The following ZNF831 variants were observed in gnomAD, a reference collection of about 807,000 sequenced individuals.
ZNF831 encodes the protein zinc finger protein 831, also known as chromosome 20 open reading frame 174.
A neutral mutation model predicts 95.8 loss-of-function variants in ZNF831; 59 were observed. The ratio of observed to expected loss-of-function variants is 0.62; its 90% CI spans 0.50 to 0.77. The LOEUF is 0.77. Among genes scored for constraint, ZNF831 ranks in the 30% least tolerant of loss-of-function variants. The pLI is 0.00. For synonymous variants in ZNF831, 961 were observed against 925.5 expected (o/e 1.04, Z -0.70); for missense variants, 2,205 against 2,164.0 (o/e 1.02, Z -0.38).
In ZNF831 at chr20:59,254,145, G is replaced by A. The variant is rs758824390; in HGVS notation, c.4436G>A (p.Gly1479Glu). The stretch of plus-strand genomic sequence containing the variant: ...AGGCCTTCTTCCTTTGGGTCCAAAG[G>A]AACTTTTCCCCACCATGACATTGCT... ...AQRPSSFGSK[G>E]TFPHHDIATS... Residue 1479 changes from glycine (G) to glutamate (E), a missense_variant, in exon 6 of 6, where the codon GGA (glycine) becomes GAA (glutamate). Transcript: ENST00000371030. This position sits in a 1 kb window ranked among gnomAD's most constrained non-coding sequence, Gnocchi z 4.5. 4.3e-6 allele frequency: 7 copies of A among 1,613,904 alleles called. No individual in the cohort carries two copies. Among genetic ancestry groups the A allele is most frequent in the African/African-American group, 2.7e-5 (2 of 74,854 alleles).
At chr20:59,148,148 G>C (rs1444193033) in intron 2 of ZNF831, among the ~76,000 whole-genome samples, 1 of 152,214 alleles carries the variant, frequency 6.6e-6, no homozygotes, top group Non-Finnish European at 1.5e-5. Flanking sequence ...CGTTGGTCAA[G>C]GCCAATGCAT....
intron 1 of ZNF831, among the ~76,000 whole-genome samples, chr20:59,170,993 C>T (rs945494552): frequency 1.3e-5 from 2 of 152,166 alleles, no homozygotes; most frequent in East Asian, 1.9e-4. Flanking sequence ...GACAGTGTGC[C>T]GGCTGTGTGG....
chr20:59,136,338 A>G (rs567624418), intron 1 of ZNF831, among the ~76,000 whole-genome samples: 18 of 152,238 alleles, frequency 1.2e-4, no homozygotes, highest in African/African-American at 3.1e-4. Flanking sequence ...TATTTTTCCT[A>G]TCTTAAAGTG....
At chr20:59,181,241 T>G (rs1982595351) in intron 1 of ZNF831, among the ~76,000 whole-genome samples, 2 of 152,252 alleles carry the variant, frequency 1.3e-5, no homozygotes, top group African/African-American at 2.4e-5. Context: ...CTTGTAAATT[T>G]GTCTAAGTTC....
intron 4 of ZNF831, among the ~76,000 whole-genome samples, chr20:59,249,181 T>A (rs1399754898): frequency 1.3e-5 from 2 of 152,216 alleles, no homozygotes; most frequent in Non-Finnish European, 2.9e-5. Context: ...ATTTCTGATG[T>A]CGCCTTTCTG....
intron 4 of ZNF831, among the ~76,000 whole-genome samples, chr20:59,230,765 T>C (rs914362597): frequency 6.6e-6 from 1 of 152,248 alleles, no homozygotes; most frequent in Non-Finnish European, 1.5e-5. Context: ...GGAACTAGGC[T>C]AAAGTTTAGA....
At chr20:59,237,829 A>G (rs1987086536) in intron 4 of ZNF831, among the ~76,000 whole-genome samples, 1 of 152,056 alleles carries the variant, frequency 6.6e-6, no homozygotes, top group South Asian at 2.1e-4. Context: ...AGCTGGGAGG[A>G]GGTGCTGACT....
intron 4 of ZNF831, among the ~76,000 whole-genome samples, chr20:59,236,885 C>A (rs574405310): frequency 6.6e-6 from 1 of 151,950 alleles, no homozygotes; most frequent in East Asian, 1.9e-4. Context: ...CCGTTTTTTT[C>A]TTCCTTTTAA....
chr20:59,253,161 G>A (rs1377453894), intron 5 of ZNF831, 23 bp downstream of exon 5: 10 of 1,613,140 alleles, frequency 6.2e-6, no homozygotes, highest in Non-Finnish European at 7.6e-6. Flanking sequence ...ATTTTGAGCT[G>A]CCTCTACCTA....
chr20:59,240,125 T>G, intron 4 of ZNF831, among the ~76,000 whole-genome samples: 2 of 80,010 alleles, frequency 2.5e-5, no homozygotes, highest in East Asian at 3.6e-4. Context: ...CACCCCCACC[T>G]ACCCCCACAG....
chr20:59,193,658 T>C lies in ZNF831; in HGVS notation c.2639T>C (p.Leu880Pro). Residue 880 changes from leucine to proline, a missense_variant, in exon 2 of 6, where the codon CTG becomes CCG. Coordinates refer to ENST00000371030, the MANE Select transcript of ZNF831 (RefSeq NM_178457.3). ...KESARQVGEP[L>P]ESSGASLAAA... is the part of the protein sequence containing the mutation. ...AGTGCCAGGCAGGTGGGCGAGCCTC[T>C]GGAGTCCTCTGGAGCCTCCTTGGCT... 1 of 1,613,010 alleles carries C rather than the reference T, an allele frequency of 6.2e-7. No individual in the cohort carries two copies. Among genetic ancestry groups the C allele is most frequent in the South Asian group, 1.1e-5 (1 of 91,088 alleles).
In ZNF831 at chr20:59,192,912, C is replaced by T. The variant is rs1983732431; in HGVS notation, c.1893C>T (p.Ile631=). ...ACGGGGATGAGACGTTCAAAAGGAT[C>T]TACCAGAAAATGAAAGCCAGTCCCC... ...QVYGDETFKR[I]YQKMKASPHG... The change falls in exon 2 of 6, where the codon ATC becomes ATT. Residue 631 remains isoleucine (I), a synonymous_variant. Transcript: ENST00000371030. The surrounding 1 kb of genome is among the most constrained non-coding windows in gnomAD (Gnocchi z 5.2). 6 of 1,599,288 alleles carry T rather than the reference C, an allele frequency of 3.8e-6. No individual in the cohort carries two copies. Among genetic ancestry groups the T allele is most frequent in the Non-Finnish European group, 4.3e-6 (5 of 1,173,546 alleles).
At chr20:59,252,865 T>C (rs1987965127) in intron 4 of ZNF831, 113 bp from the exon 5 acceptor site, 1 of 1,094,718 alleles carries the variant, frequency 9.1e-7, no homozygotes, top group Non-Finnish European at 1.3e-6. Context: ...CCCTGTGAGA[T>C]GAGGGTTAAT....
intron 4 of ZNF831, among the ~76,000 whole-genome samples, chr20:59,232,710 C>T (rs1986791291): frequency 6.6e-6 from 1 of 152,158 alleles, no homozygotes; most frequent in Admixed American, 6.5e-5. Context: ...GTACCCCACA[C>T]AGTGTTTTAG....
chr20:59,160,413 C>T (rs111419866), upstream of ZNF831: 4,973 of 152,318 alleles, frequency 0.033, 135 homozygotes, highest in Middle Eastern at 0.061. Flanking sequence ...CGCTCTTGAT[C>T]GAATTCCTCT....
rs1273889049 is a variant in ZNF831, at chr20:59,144,277, T to A, written c.-1424-1954T>A. The stretch of plus-strand genomic sequence containing the variant: ...CAGTAGAACATAACTGCCTTCAATG[T>A]GCACAGGATTCTCACAGGTGTCGTC... On this transcript the variant is annotated intron_variant, in intron 1 of 7. Transcript: ENST00000637017. Among the ~76,000 whole-genome samples the A allele has an allele frequency of 3.9e-5, 6 of 152,310 alleles. No homozygotes were observed. The South Asian group carries it at 8.3e-4, about 21-fold the overall frequency.
chr20:59,137,318 A>C (rs751222040), intron 1 of ZNF831, among the ~76,000 whole-genome samples: 3 of 152,026 alleles, frequency 2.0e-5, no homozygotes, highest in Non-Finnish European at 4.4e-5. Flanking sequence ...GCTGTATACA[A>C]GATGAAAAAT....
chr20:59,125,593 T>C (rs1979147644), intron 1 of ZNF831, among the ~76,000 whole-genome samples: 1 of 152,196 alleles, frequency 6.6e-6, no homozygotes. Context: ...CAATACTGGG[T>C]TCAATTTTTT....
At chr20:59,148,581 G>A (rs1980017957) in intron 2 of ZNF831, among the ~76,000 whole-genome samples, 1 of 135,056 alleles carries the variant, frequency 7.4e-6, no homozygotes, top group Non-Finnish European at 1.6e-5. Context: ...ACGGGAGGCT[G>A]AGGCAGGAGA....
Sources: allele counts gnomAD v4.1 joint callset (sites outside exome capture counted in the v4.1 genomes callset), GRCh38; gene constraint gnomAD v4.1.1; non-coding constraint Gnocchi (gnomAD v3.1); transcripts MANE v1.5; gene names NCBI Gene and HGNC (gene_info 2026-07-23, HGNC 2026-07-21).